The following ZCCHC14 variants were observed in gnomAD, a reference collection of about 807,000 sequenced individuals.
The protein encoded by ZCCHC14 is zinc finger CCHC domain-containing protein 14.
In ZCCHC14, 16 loss-of-function variants were observed where a neutral mutation model predicts 85.0. The observed-to-expected ratio is 0.19, with a 90% CI of 0.13 to 0.29. The LOEUF is 0.29. ZCCHC14 is among the 10% of genes least tolerant of loss of function. The pLI is 1.00. For synonymous variants in ZCCHC14, 775 were observed against 630.7 expected, an observed-to-expected ratio of 1.23 and a Z score of -3.43; for missense variants, 1,303 against 1,443.5, an observed-to-expected ratio of 0.90 and a Z score of 1.58.
chr16:87,491,561 C>A lies in ZCCHC14; in HGVS notation c.570+108G>T. 1 of 1,043,830 alleles carries A rather than the reference C, an allele frequency of 9.6e-7. No homozygotes were observed. Among genetic ancestry groups the A allele is most frequent in the Non-Finnish European group, 1.3e-6 (1 of 795,270 alleles). The allele number at this position is 1,043,830 out of a possible 1,614,324, so 64.7% of individuals were successfully genotyped here. ...GAGACCTGGGTGGGAGCTCTCAGTG[C>A]AGGCTGGAGGCGTGGGTCGGGGGGT... On this transcript the variant is annotated intron_variant, in intron 1 of 12. Coordinates refer to ENST00000671377, the MANE Select transcript of ZCCHC14 (RefSeq NM_015144.3). This position sits in a 1 kb window ranked among gnomAD's most constrained non-coding sequence, Gnocchi z 5.9.
intron 9 of ZCCHC14, among the ~76,000 whole-genome samples, chr16:87,415,046 C>T (rs1908711976): frequency 6.6e-6 from 1 of 152,188 alleles, no homozygotes; most frequent in Admixed American, 6.5e-5. Context: ...TGCACCACTG[C>T]ACTCCAGCCT....
chr16:87,411,445 C>A (rs1365492773), intron 12 of ZCCHC14, 71 bp downstream of exon 12: 1 of 1,563,022 alleles, frequency 6.4e-7, no homozygotes, highest in South Asian at 1.2e-5. Context: ...GTTTACTCTT[C>A]ATAAAAACCA....
At chr16:87,467,717 T>A in intron 1 of ZCCHC14, 1 of 655,496 alleles carries the variant, frequency 1.5e-6, no homozygotes, top group Non-Finnish European at 2.7e-6. Context: ...AGTGGTGCGA[T>A]CTTGGCTCAC....
At chr16:87,466,367 G>T (rs966886626) in intron 1 of ZCCHC14, among the ~76,000 whole-genome samples, 6 of 152,202 alleles carry the variant, frequency 3.9e-5, no homozygotes, top group African/African-American at 1.2e-4. Flanking sequence ...ACTGACGGCA[G>T]CCTCGGTCTG....
chr16:87,468,558 T>C (rs1442446340), intron 1 of ZCCHC14, among the ~76,000 whole-genome samples: 1 of 152,112 alleles, frequency 6.6e-6, no homozygotes, highest in African/African-American at 2.4e-5. Context: ...TACAAACAGT[T>C]CCTTATCATC....
At chr16:87,487,738 G>A (rs1345066389) in intron 1 of ZCCHC14, among the ~76,000 whole-genome samples, 3 of 152,234 alleles carry the variant, frequency 2.0e-5, no homozygotes, top group Non-Finnish European at 4.4e-5. Flanking sequence ...CAACTCCAAG[G>A]TCCACCCGCT....
Position 87,491,559 on chromosome 16 carries a change from T to G in ZCCHC14, c.570+110A>C. 9.8e-7 allele frequency: 1 copy of G among 1,023,438 alleles called. No homozygotes were observed. The highest frequency in any genetic ancestry group is 1.3e-6 in the Non-Finnish European group (1 of 777,274). 63.4% of individuals were successfully genotyped at this position (1,023,438 alleles called of 1,614,324 possible). A position where few individuals can be genotyped will look rare whatever the true frequency, so the allele number is the denominator to read the frequency against. On this transcript the variant is annotated intron_variant, in intron 1 of 12. Transcript: ENST00000671377. The surrounding 1 kb of genome is among the most constrained non-coding windows in gnomAD (Gnocchi z 5.9). ...TGGAGACCTGGGTGGGAGCTCTCAG[T>G]GCAGGCTGGAGGCGTGGGTCGGGGG...
chr16:87,452,346 C>T (rs1597431604), intron 2 of ZCCHC14, among the ~76,000 whole-genome samples: 1 of 152,318 alleles, frequency 6.6e-6, no homozygotes, highest in Middle Eastern at 3.4e-3. Flanking sequence ...TGCATACCCA[C>T]TGGCTGCATG....
rs183450047 is a variant in ZCCHC14 at position 87,436,400 on chromosome 16, G to A, written c.695-3199C>T. 4.1e-3 allele frequency among the ~76,000 whole-genome samples: 623 copies of A among 152,366 alleles called. 1 individual carries two copies. Among genetic ancestry groups the A allele is most frequent in the Admixed American group, 6.2e-3 (95 of 15,308 alleles). On this transcript the variant is annotated intron_variant, in intron 2 of 12. Transcript: ENST00000671377. ...TCCTGCCCTGGACCCCATGTGCTCC[G>A]CGGGCTCTGAAGGCTGAGAAGAGGA...
At chr16:87,442,505 C>G (rs1207745087) in intron 2 of ZCCHC14, among the ~76,000 whole-genome samples, 3 of 152,196 alleles carry the variant, frequency 2.0e-5, no homozygotes, top group Non-Finnish European at 4.4e-5. Context: ...GGCAAACACT[C>G]CTGAGATGCA....
chr16:87,451,146 C>T (rs929374621), intron 2 of ZCCHC14, among the ~76,000 whole-genome samples: 19 of 147,106 alleles, frequency 1.3e-4, no homozygotes, highest in East Asian at 2.1e-4. Context: ...GTGATCCGCC[C>T]GCCTCGGCCT....
intron 1 of ZCCHC14, among the ~76,000 whole-genome samples, chr16:87,484,385 C>T (rs902200069): frequency 1.8e-4 from 27 of 152,112 alleles, no homozygotes; most frequent in African/African-American, 6.3e-4. Flanking sequence ...GAATACTCTT[C>T]CGAAAAAATT....
chr16:87,482,048 C>A (rs1279290983), intron 1 of ZCCHC14, among the ~76,000 whole-genome samples: 4 of 152,164 alleles, frequency 2.6e-5, no homozygotes, highest in Non-Finnish European at 4.4e-5. Context: ...AAGGATATTA[C>A]CTCATTGTAA....
At chr16:87,418,179 A>C (rs1289080320) in intron 7 of ZCCHC14, among the ~76,000 whole-genome samples, 1 of 152,264 alleles carries the variant, frequency 6.6e-6, no homozygotes, top group Non-Finnish European at 1.5e-5. Context: ...ACAGAATGAC[A>C]CTGATAAATC....
intron 3 of ZCCHC14, among the ~76,000 whole-genome samples, chr16:87,432,066 G>C (rs1432150323): frequency 1.3e-5 from 2 of 152,226 alleles, no homozygotes; most frequent in East Asian, 3.8e-4. Context: ...AAAAGGATTT[G>C]AAGTATTTTT....
At chr16:87,430,178 G>A (rs1035267568) in intron 3 of ZCCHC14, among the ~76,000 whole-genome samples, 1 of 152,126 alleles carries the variant, frequency 6.6e-6, no homozygotes, top group Non-Finnish European at 1.5e-5. Context: ...TTTTGTTTTG[G>A]GTTTACATTT....
chr16:87,424,657 A>G (rs1396676916), intron 3 of ZCCHC14, among the ~76,000 whole-genome samples: 1 of 152,170 alleles, frequency 6.6e-6, no homozygotes, highest in Admixed American at 6.5e-5. Context: ...TGCTCGTCAC[A>G]TGAGGTGCTA....
rs1909697830 is a variant in ZCCHC14 at position 87,432,222 on chromosome 16, A to C, written c.768+906T>G. On this transcript the variant is annotated intron_variant, in intron 3 of 12. Transcript: ENST00000671377. ...CAGCACTCGATGCACATGTGGTCCAAGGAGAATGTCCCCCTGTCAGGGTTC... is the reference window on the plus strand; with the variant it reads ...CAGCACTCGATGCACATGTGGTCCACGGAGAATGTCCCCCTGTCAGGGTTC... Among the ~76,000 whole-genome samples, 5 of 152,130 alleles carry C rather than the reference A, an allele frequency of 3.3e-5. No individual in the cohort carries two copies. In the South Asian group the frequency reaches 1.0e-3, roughly 32 times the overall value.
chr16:87,434,258 C>T (rs562187136), intron 2 of ZCCHC14, among the ~76,000 whole-genome samples: 32 of 152,346 alleles, frequency 2.1e-4, no homozygotes, highest in Admixed American at 2.6e-4. Flanking sequence ...AAAACAGCCG[C>T]GTATCGAACA....
Sources: gnomAD v4.1 joint callset for allele counts (sites outside exome capture counted in the v4.1 genomes callset) on GRCh38, gnomAD v4.1.1 for gene constraint, Gnocchi (gnomAD v3.1) non-coding constraint, MANE v1.5 for transcripts, NCBI Gene and HGNC (gene_info 2026-07-23, HGNC 2026-07-21) for gene names.